Variants in CDH13 observed in about 807,000 individuals in gnomAD.
The protein encoded by CDH13 is cadherin 13, also known as cadherin-13.
In CDH13, 24 loss-of-function variants were observed where a neutral mutation model predicts 63.8. That is an observed-to-expected ratio of 0.38 (90% CI 0.27 to 0.53). The LOEUF (loss-of-function observed/expected upper bound fraction) is 0.53. Among genes scored for constraint, CDH13 ranks in the 20% least tolerant of loss-of-function variants. The pLI is 0.85. For synonymous variants in CDH13, 503 were observed against 355.3 expected (o/e 1.42, Z -4.67); for missense variants, 1,049 against 903.1 (o/e 1.16, Z -2.07).
chr16:82,968,981 A>T (rs1908289668), intron 2 of CDH13, among the ~76,000 whole-genome samples: 1 of 152,084 alleles, frequency 6.6e-6, no homozygotes, highest in South Asian at 2.1e-4. Flanking sequence ...TTAGTTGGGC[A>T]TGGTAATCCC....
chr16:82,717,190 G>C (rs368739698), intron 1 of CDH13, among the ~76,000 whole-genome samples: 1 of 151,970 alleles, frequency 6.6e-6, no homozygotes, highest in Admixed American at 6.6e-5. Context: ...GCCCAACAAG[G>C]CTCCTGAACC....
At chr16:83,748,592 C>G (rs1267642924) in intron 11 of CDH13, among the ~76,000 whole-genome samples, 1 of 152,150 alleles carries the variant, frequency 6.6e-6, no homozygotes. Context: ...GGACTTAATA[C>G]AAGTTGAAAG....
chr16:82,791,650 C>G (rs987324705), intron 1 of CDH13, among the ~76,000 whole-genome samples: 2 of 152,216 alleles, frequency 1.3e-5, no homozygotes, highest in African/African-American at 4.8e-5. Flanking sequence ...TTCCACCCCT[C>G]TGGATCCAGC....
At chr16:82,775,880 T>C (rs1439995710) in intron 1 of CDH13, among the ~76,000 whole-genome samples, 1 of 152,106 alleles carries the variant, frequency 6.6e-6, no homozygotes, top group Non-Finnish European at 1.5e-5. Context: ...GCTCTTTTTT[T>C]GTGAATGGAT....
At chr16:82,927,181 A>G (rs902151642) in intron 2 of CDH13, among the ~76,000 whole-genome samples, 2 of 152,148 alleles carry the variant, frequency 1.3e-5, no homozygotes, top group Non-Finnish European at 2.9e-5. Context: ...GAGCATCCCA[A>G]GGGAACAAGG....
intron 7 of CDH13, among the ~76,000 whole-genome samples, chr16:83,550,425 C>T (rs974471415): frequency 6.6e-6 from 1 of 152,214 alleles, no homozygotes; most frequent in Non-Finnish European, 1.5e-5. Flanking sequence ...ATGGAGCCAT[C>T]AGTGACATTT....
At position 82,896,770 on chromosome 16, in the gene CDH13, C is replaced by CTTTTT. The variant is rs71382855; in HGVS notation, c.157+38321_157+38325dup. Among the ~76,000 whole-genome samples, 121 of 55,560 alleles carry CTTTTT rather than the reference C, an allele frequency of 2.2e-3. 6 individuals are homozygous for CTTTTT. Among genetic ancestry groups the CTTTTT allele is most frequent in the African/African-American group, 9.4e-3 (116 of 12,326 alleles). The allele number at this position is 55,560 out of a possible 152,430, so 36.4% of individuals were successfully genotyped here. A position where few individuals can be genotyped will look rare whatever the true frequency, so the allele number is the denominator to read the frequency against. On this transcript the variant is annotated intron_variant, in intron 2 of 13. Transcript: ENST00000567109. ...AATTATTTTAGACTGCTGTGCAATTCTTTTTTTTTTTTTTTTTTTTTTTTT... is the reference window on the plus strand; with the variant it reads ...AATTATTTTAGACTGCTGTGCAATTCTTTTTTTTTTTTTTTTTTTTTTTTTTTTTT...
At chr16:83,006,443 C>T (rs1356965586) in intron 2 of CDH13, among the ~76,000 whole-genome samples, 1 of 152,186 alleles carries the variant, frequency 6.6e-6, no homozygotes, top group Non-Finnish European at 1.5e-5. Flanking sequence ...AATGCCAAAG[C>T]TTGCCTTTCA....
chr16:82,932,929 C>G (rs992424470), intron 2 of CDH13, among the ~76,000 whole-genome samples: 1 of 152,084 alleles, frequency 6.6e-6, no homozygotes, highest in African/African-American at 2.4e-5. Flanking sequence ...AATTGGGAAG[C>G]CATGATTTAG....
At chr16:83,094,906 T>G (rs2034118574) in intron 3 of CDH13, among the ~76,000 whole-genome samples, 1 of 152,188 alleles carries the variant, frequency 6.6e-6, no homozygotes, top group African/African-American at 2.4e-5. Flanking sequence ...ATTAACTCTG[T>G]AAGTTATTGA....
At chr16:83,607,917 T>TAA (rs1306232647) in intron 8 of CDH13, among the ~76,000 whole-genome samples, 1 of 151,934 alleles carries the variant, frequency 6.6e-6, no homozygotes, top group Non-Finnish European at 1.5e-5. Context: ...GTTATTTTAT[T>TAA]AAAAAAAAGA....
At chr16:83,752,593 C>T (rs528084512) in intron 11 of CDH13, among the ~76,000 whole-genome samples, 1 of 152,304 alleles carries the variant, frequency 6.6e-6, no homozygotes, top group Non-Finnish European at 1.5e-5. Flanking sequence ...GTAGTCAGGA[C>T]CTAATGATAC....
intron 6 of CDH13, among the ~76,000 whole-genome samples, chr16:83,427,559 G>A (rs1196646261): frequency 6.6e-6 from 1 of 152,160 alleles, no homozygotes; most frequent in Non-Finnish European, 1.5e-5. Context: ...AATCATCAGA[G>A]TTGTTTTAAG....
chr16:82,793,614 G>A (rs1487504507), intron 1 of CDH13, among the ~76,000 whole-genome samples: 1 of 152,068 alleles, frequency 6.6e-6, no homozygotes, highest in Non-Finnish European at 1.5e-5. Context: ...TCAAAACCCT[G>A]AAAGTATTTT....
At chr16:82,804,115 C>G (rs2318182) in intron 1 of CDH13, among the ~76,000 whole-genome samples, 76,386 of 151,590 alleles carry the variant, frequency 0.5, 20,796 homozygotes, top group African/African-American at 0.72. Context: ...GTAGTCCCAG[C>G]TACTCAGGAG....
intron 12 of CDH13, among the ~76,000 whole-genome samples, chr16:83,780,849 G>T (rs1013518693): frequency 1.3e-5 from 2 of 152,192 alleles, no homozygotes; most frequent in African/African-American, 4.8e-5. Flanking sequence ...TGTCTTTCCA[G>T]TCTCAGAGAC....
chr16:83,236,553 A>C (rs931573484), intron 5 of CDH13, among the ~76,000 whole-genome samples: 1 of 152,162 alleles, frequency 6.6e-6, no homozygotes, highest in Non-Finnish European at 1.5e-5. Context: ...ATGGATGCCA[A>C]TGTGCCTTCC....
chr16:83,173,384 A>G (rs1007364077), intron 4 of CDH13, among the ~76,000 whole-genome samples: 2 of 152,112 alleles, frequency 1.3e-5, no homozygotes, highest in African/African-American at 4.8e-5. Context: ...ATATGCTATT[A>G]TCTTAGGGAA....
intron 2 of CDH13, among the ~76,000 whole-genome samples, chr16:83,025,462 A>T (rs942971330): frequency 6.6e-6 from 1 of 152,216 alleles, no homozygotes; most frequent in African/African-American, 2.4e-5. Context: ...AGAAATGCAG[A>T]GAGAAGGGGA....
Sources: gnomAD v4.1 joint callset for allele counts (sites outside exome capture counted in the v4.1 genomes callset) on GRCh38, gnomAD v4.1.1 for gene constraint, MANE v1.5 for transcripts, NCBI Gene and HGNC (gene_info 2026-07-23, HGNC 2026-07-21) for gene names.